The following ZFAND3 variants were observed in gnomAD, a reference collection of about 807,000 sequenced individuals.
The protein encoded by ZFAND3 is AN1-type zinc finger protein 3.
ZFAND3 carries 10 observed loss-of-function variants against 29.6 expected under a neutral mutation model. The observed-to-expected ratio is 0.34, with a 90% CI of 0.21 to 0.57. The LOEUF is 0.57. Ranked by LOEUF, ZFAND3 falls within the 20% of genes least tolerant of loss-of-function variation. The pLI is 0.86. For synonymous variants in ZFAND3, 128 were observed against 112.6 expected (o/e 1.14, Z -0.87); for missense variants, 230 against 304.5 (o/e 0.76, Z 1.82).
chr6:38,029,606 T>C (rs11755894), intron 2 of ZFAND3, among the ~76,000 whole-genome samples: 10,377 of 152,236 alleles, frequency 0.068, 425 homozygotes, highest in Non-Finnish European at 0.087. Flanking sequence ...TACCTACATA[T>C]TAATTGAAGA....
intron 5 of ZFAND3, among the ~76,000 whole-genome samples, chr6:38,119,778 A>C (rs921111911): frequency 6.6e-6 from 1 of 152,234 alleles, no homozygotes; most frequent in Non-Finnish European, 1.5e-5. Flanking sequence ...TCGAGAGCAC[A>C]CACAGACACA....
At chr6:37,992,184 T>C (rs1236219573) in intron 2 of ZFAND3, among the ~76,000 whole-genome samples, 6 of 152,334 alleles carry the variant, frequency 3.9e-5, no homozygotes, top group African/African-American at 1.4e-4. Context: ...CTCTTTTGAA[T>C]TTGTATTTCT....
chr6:37,928,373 A>T (rs957727541), intron 1 of ZFAND3, among the ~76,000 whole-genome samples: 2 of 152,108 alleles, frequency 1.3e-5, no homozygotes, highest in Non-Finnish European at 2.9e-5. Context: ...GTTGCTGAGG[A>T]ATGAAGTTTT....
chr6:38,131,412 G>A (rs550969401), intron 5 of ZFAND3, among the ~76,000 whole-genome samples: 1 of 152,284 alleles, frequency 6.6e-6, no homozygotes, highest in East Asian at 1.9e-4. Flanking sequence ...TCTTTAGAAG[G>A]TAAAAACGCA....
intron 2 of ZFAND3, among the ~76,000 whole-genome samples, chr6:37,997,605 T>TA (rs1762873249): frequency 6.6e-6 from 1 of 152,136 alleles, no homozygotes; most frequent in Admixed American, 6.5e-5. Flanking sequence ...GCTGTTGGGG[T>TA]AAGCTTGGGA....
intron 1 of ZFAND3, among the ~76,000 whole-genome samples, chr6:37,852,025 A>G (rs953991164): frequency 1.3e-5 from 2 of 152,238 alleles, no homozygotes; most frequent in East Asian, 3.8e-4. Flanking sequence ...TAGCCATTCT[A>G]ATTATAATGT....
intron 4 of ZFAND3, among the ~76,000 whole-genome samples, chr6:38,098,991 G>A (rs942386506): frequency 2.6e-5 from 4 of 152,046 alleles, no homozygotes; most frequent in African/African-American, 7.2e-5. Context: ...AAATATTTCC[G>A]TATGTATTGG....
At chr6:37,921,882 CAA>C (rs778118350) in intron 1 of ZFAND3, among the ~76,000 whole-genome samples, 24 of 87,746 alleles carry the variant, frequency 2.7e-4, no homozygotes, top group Admixed American at 2.3e-3. Context: ...CCCATCTCTG[CAA>C]AAAAAAAAAA....
intron 2 of ZFAND3, among the ~76,000 whole-genome samples, chr6:38,037,776 G>T (rs1763688148): frequency 6.6e-6 from 1 of 152,168 alleles, no homozygotes. Context: ...GGGCGTGTAG[G>T]TTATGCGCTG....
intron 1 of ZFAND3, among the ~76,000 whole-genome samples, chr6:37,861,649 A>C (rs551681189): frequency 1.3e-5 from 2 of 152,316 alleles, no homozygotes; most frequent in South Asian, 4.1e-4. Flanking sequence ...AAGAATTATG[A>C]AACTTCTAGG....
At chr6:37,827,390 A>G (rs1323211902) in intron 1 of ZFAND3, among the ~76,000 whole-genome samples, 2 of 152,210 alleles carry the variant, frequency 1.3e-5, no homozygotes, top group Non-Finnish European at 2.9e-5. Context: ...GAATTTTTGA[A>G]GCTACTCACC....
At chr6:37,886,228 ACT>A (rs1270810683) in intron 1 of ZFAND3, among the ~76,000 whole-genome samples, 1 of 109,478 alleles carries the variant, frequency 9.1e-6, no homozygotes, top group East Asian at 3.0e-4. Flanking sequence ...ACAGAGCGAG[ACT>A]CTGTCTCAAA....
At chr6:37,856,349 G>A (rs1375914006) in intron 1 of ZFAND3, among the ~76,000 whole-genome samples, 1 of 152,144 alleles carries the variant, frequency 6.6e-6, no homozygotes, top group East Asian at 1.9e-4. Context: ...CTGACTTCAT[G>A]TAGAAGCATT....
At position 38,153,087 on chromosome 6, in the gene ZFAND3, C is replaced by T. The variant is rs991681839; in HGVS notation, c.*698C>T. ...TCAAGACTAGTCCACGAACGAGACC[C>T]GCCTTTTCTACACAGGATCCAAGGT... is the stretch of plus-strand genomic sequence containing the variant. On this transcript the variant is annotated 3_prime_UTR_variant, in exon 6 of 6. Transcript: ENST00000287218. 2.7e-5 allele frequency: 27 copies of T among 985,364 alleles called. No individual in the cohort carries two copies. The highest frequency in any genetic ancestry group is 1.0e-4 in the African/African-American group (6 of 57,208). 61.0% of individuals were successfully genotyped at this position (985,364 alleles called of 1,614,324 possible).
intron 3 of ZFAND3, among the ~76,000 whole-genome samples, chr6:38,081,430 C>G (rs2127470602): frequency 6.6e-6 from 1 of 152,258 alleles, no homozygotes; most frequent in African/African-American, 2.4e-5. Flanking sequence ...GAACAGGTCT[C>G]AGAGCTCTTT....
chr6:38,138,496 G>A (rs985434718), intron 5 of ZFAND3, among the ~76,000 whole-genome samples: 11 of 152,154 alleles, frequency 7.2e-5, no homozygotes, highest in African/African-American at 2.7e-4. Flanking sequence ...GCAGAAGCAG[G>A]CAACACGCCT....
chr6:37,897,456 T>C (rs6934346), intron 1 of ZFAND3, among the ~76,000 whole-genome samples: 2,252 of 152,302 alleles, frequency 0.015, 54 homozygotes, highest in African/African-American at 0.052. Flanking sequence ...CTTTGTTAGG[T>C]GTAATGCTGC....
rs996606071 is a variant in ZFAND3, at chr6:38,153,029, A to G, written c.*640A>G. ...GAAAAAACTCATCACACAAGAAGAGAAACAGTAACCTCACTTTGAAAATTA... is the reference window on the plus strand; with the variant it reads ...GAAAAAACTCATCACACAAGAAGAGGAACAGTAACCTCACTTTGAAAATTA... On this transcript the variant is annotated 3_prime_UTR_variant, in exon 6 of 6. Transcript: ENST00000287218. 6.1e-6 allele frequency: 6 copies of G among 985,718 alleles called. No homozygotes were observed. The East Asian group carries it at 5.7e-4, about 93-fold the overall frequency. The allele number at this position is 985,718 out of a possible 1,614,324, so 61.1% of individuals were successfully genotyped here. A position where few individuals can be genotyped will look rare whatever the true frequency, so the allele number is the denominator to read the frequency against.
At chr6:37,970,467 G>A (rs780262032) in intron 2 of ZFAND3, among the ~76,000 whole-genome samples, 4 of 152,166 alleles carry the variant, frequency 2.6e-5, no homozygotes, top group Non-Finnish European at 5.9e-5. Context: ...AGTATTGACA[G>A]AATTTGGTTC....
Sources: allele counts gnomAD v4.1 joint callset (sites outside exome capture counted in the v4.1 genomes callset), GRCh38; gene constraint gnomAD v4.1.1; transcripts MANE v1.5; gene names NCBI Gene and HGNC (gene_info 2026-07-23, HGNC 2026-07-21).